The following WWOX variants were observed in gnomAD, a reference collection of about 807,000 sequenced individuals.
WWOX encodes the protein WW domain-containing oxidoreductase.
WWOX carries 69 observed loss-of-function variants against 46.2 expected under a neutral mutation model. The ratio of observed to expected loss-of-function variants is 1.49; its 90% CI spans 1.23 to 1.82. The LOEUF is 1.82. Ranked by LOEUF, WWOX falls within the 40% of genes most tolerant of loss-of-function variation. The probability of loss-of-function intolerance (pLI) is 0.00; values close to 1 mark genes in which losing one functional copy is unlikely to be tolerated. For synonymous variants in WWOX, 359 were observed against 202.6 expected (o/e 1.77, Z -6.56); for missense variants, 919 against 542.6 (o/e 1.69, Z -6.89).
chr16:79,154,890 A>G (rs1009063232), intron 8 of WWOX, among the ~76,000 whole-genome samples: 1 of 152,240 alleles, frequency 6.6e-6, no homozygotes, highest in Non-Finnish European at 1.5e-5. Flanking sequence ...TTCCTGTTTA[A>G]TACATATCAT....
chr16:78,373,197 C>T (rs955429015), intron 5 of WWOX, among the ~76,000 whole-genome samples: 1 of 152,104 alleles, frequency 6.6e-6, no homozygotes. Context: ...GCTTCAGACT[C>T]AATAGGTACT....
chr16:78,916,679 A>G (rs2045259580), intron 8 of WWOX, among the ~76,000 whole-genome samples: 2 of 152,212 alleles, frequency 1.3e-5, no homozygotes, highest in Admixed American at 6.5e-5. Flanking sequence ...CATCCCAGGC[A>G]CAATATCTCA....
intron 5 of WWOX, among the ~76,000 whole-genome samples, chr16:78,356,892 CAAAAA>C (rs33999856): frequency 6.6e-6 from 1 of 151,656 alleles, no homozygotes. Flanking sequence ...AAAAAACAAA[CAAAAA>C]AAAGTTCCAA....
At chr16:78,943,563 T>C (rs938053010) in intron 8 of WWOX, among the ~76,000 whole-genome samples, 1 of 152,130 alleles carries the variant, frequency 6.6e-6, no homozygotes, top group Non-Finnish European at 1.5e-5. Flanking sequence ...TTCTGACACA[T>C]CACCATTGAT....
chr16:79,141,621 A>G (rs572439866), intron 8 of WWOX, among the ~76,000 whole-genome samples: 1 of 152,250 alleles, frequency 6.6e-6, no homozygotes, highest in South Asian at 2.1e-4. Flanking sequence ...CCTCCAAAGA[A>G]GTTTGGGGTG....
At chr16:78,982,294 G>A (rs1567458090) in intron 8 of WWOX, among the ~76,000 whole-genome samples, 1 of 152,206 alleles carries the variant, frequency 6.6e-6, no homozygotes, top group Admixed American at 6.5e-5. Context: ...GACTTTGAAA[G>A]CGTGATTTTG....
At chr16:78,650,101 G>T in intron 8 of WWOX, among the ~76,000 whole-genome samples, 1 of 152,214 alleles carries the variant, frequency 6.6e-6, no homozygotes, top group African/African-American at 2.4e-5. Flanking sequence ...TGAAATGTCA[G>T]AGGAAGGAGG....
intron 8 of WWOX, chr16:78,895,534 A>C (rs927707583): frequency 6.6e-6 from 1 of 152,180 alleles, no homozygotes; most frequent in Non-Finnish European, 1.5e-5. Context: ...TTTGTTGTCA[A>C]ATTTACACTG....
intron 8 of WWOX, among the ~76,000 whole-genome samples, chr16:78,727,380 A>C (rs118051621): frequency 0.015 from 2,323 of 152,302 alleles, 29 homozygotes; most frequent in Non-Finnish European, 0.026. Context: ...GCAAGACTCC[A>C]TCTCAAAGCG....
At chr16:78,609,139 G>C (rs969650404) in intron 8 of WWOX, among the ~76,000 whole-genome samples, 1 of 152,132 alleles carries the variant, frequency 6.6e-6, no homozygotes, top group African/African-American at 2.4e-5. Flanking sequence ...GGCAGGGGAA[G>C]GTTATATTTG....
intron 8 of WWOX, among the ~76,000 whole-genome samples, chr16:78,812,749 A>G (rs2051224074): frequency 6.6e-6 from 1 of 151,928 alleles, no homozygotes; most frequent in African/African-American, 2.4e-5. Flanking sequence ...AAAAAAATCT[A>G]TCCAAAGGCC....
At chr16:78,860,811 A>G (rs907142494) in intron 8 of WWOX, among the ~76,000 whole-genome samples, 5 of 152,124 alleles carry the variant, frequency 3.3e-5, no homozygotes, top group Non-Finnish European at 7.4e-5. Context: ...AGCTCAGGCT[A>G]TAGGGAGGAT....
At chr16:78,137,044 A>G (rs937529595) in intron 4 of WWOX, among the ~76,000 whole-genome samples, 1 of 152,206 alleles carries the variant, frequency 6.6e-6, no homozygotes, top group Non-Finnish European at 1.5e-5. Context: ...TTCACATACC[A>G]TTCACAACAT....
chr16:78,793,278 C>G (rs1331493703), intron 8 of WWOX, among the ~76,000 whole-genome samples: 5 of 152,078 alleles, frequency 3.3e-5, no homozygotes, highest in Non-Finnish European at 7.4e-5. Context: ...ACTGGCTGGT[C>G]TGGAACTCCT....
chr16:78,979,790 A>G (rs570817596), intron 8 of WWOX, among the ~76,000 whole-genome samples: 11 of 152,268 alleles, frequency 7.2e-5, no homozygotes, highest in African/African-American at 2.6e-4. Context: ...ACTGCACTGC[A>G]TTTATCCAAA....
At chr16:78,859,904 G>A (rs192442709) in intron 8 of WWOX, among the ~76,000 whole-genome samples, 290 of 152,212 alleles carry the variant, frequency 1.9e-3, no homozygotes, top group Non-Finnish European at 2.8e-3. Flanking sequence ...TGGTTTCCAA[G>A]TAGACATATT....
At chr16:78,425,292 T>A (rs1011833678) in intron 7 of WWOX, among the ~76,000 whole-genome samples, 2 of 152,188 alleles carry the variant, frequency 1.3e-5, no homozygotes, top group African/African-American at 4.8e-5. Context: ...TTCAAGCTCC[T>A]CATTGATTTT....
intron 8 of WWOX, among the ~76,000 whole-genome samples, chr16:79,057,266 T>C (rs2048280535): frequency 6.6e-6 from 1 of 152,218 alleles, no homozygotes. Context: ...CAAACTTATG[T>C]TTATTCCAGC....
intron 8 of WWOX, among the ~76,000 whole-genome samples, chr16:78,500,755 G>A (rs113493643): frequency 1.3e-5 from 2 of 152,106 alleles, no homozygotes; most frequent in Admixed American, 1.3e-4. Context: ...TAATTCGAAA[G>A]CTTTTTTCTA....
Sources: allele counts gnomAD v4.1 joint callset (sites outside exome capture counted in the v4.1 genomes callset), GRCh38; gene constraint gnomAD v4.1.1; transcripts MANE v1.5; gene names NCBI Gene and HGNC (gene_info 2026-07-23, HGNC 2026-07-21).